Variants in TARBP1 observed in about 807,000 individuals in gnomAD.
The protein encoded by TARBP1 is tRNA guanosine 2 -O-methyltransferase TARBP1.
A neutral mutation model predicts 178.6 loss-of-function variants in TARBP1; 144 were observed. The ratio of observed to expected loss-of-function variants is 0.81; its 90% CI spans 0.70 to 0.93. The LOEUF (loss-of-function observed/expected upper bound fraction) is 0.93. Among genes scored for constraint, TARBP1 ranks in the 40% least tolerant of loss-of-function variants. The pLI is 0.00. For missense variants in TARBP1, 2,067 were observed against 2,011.7 expected (o/e 1.03, Z -0.53); for synonymous variants, 787 against 781.0 (o/e 1.01, Z -0.13).
At position 234,437,382 on chromosome 1, in the gene TARBP1, G is replaced by A. The variant is rs763930982; in HGVS notation, c.2135-10C>T. 3.5e-6 allele frequency: 5 copies of A among 1,431,530 alleles called. No homozygotes were observed. The highest frequency in any genetic ancestry group is 4.8e-6 in the Non-Finnish European group (5 of 1,049,810). 88.7% of individuals were successfully genotyped at this position (1,431,530 alleles called of 1,614,324 possible). The stretch of plus-strand genomic sequence containing the variant: ...ACAGTAGACACCTCATCTGTATGGG[G>A]GCAAAAAGCATGCAACTAAAATGAC... On this transcript the variant is annotated splice_polypyrimidine_tract_variant and intron_variant, in intron 12 of 29. Coordinates refer to ENST00000040877, the MANE Select transcript of TARBP1 (RefSeq NM_005646.4).
intron 5 of TARBP1, among the ~76,000 whole-genome samples, chr1:234,465,307 A>G (rs1668324503): frequency 1.3e-5 from 2 of 152,222 alleles, no homozygotes; most frequent in South Asian, 4.1e-4. Context: ...GTTAAAAGAA[A>G]AAGGAAAATA....
chr1:234,429,720 T>C, intron 15 of TARBP1, 43 bp from the exon 16 acceptor site: 1 of 1,487,238 alleles, frequency 6.7e-7, no homozygotes, highest in South Asian at 1.3e-5. Context: ...TTCCCCAATT[T>C]GCCTCCACGT....
chr1:234,479,165 G>C lies in TARBP1; in HGVS notation c.-62C>G, dbSNP rs1571909009. On this transcript the variant is annotated 5_prime_UTR_variant, in exon 1 of 30. Coordinates refer to ENST00000040877, the MANE Select transcript of TARBP1 (RefSeq NM_005646.4). ...AGGAAGGCGCCGGCGTGTGCGATGC[G>C]TGCGCACAGGACCGGCCGGCCCCTA... is the stretch of plus-strand genomic sequence containing the variant. 2 of 1,406,542 alleles carry C rather than the reference G, an allele frequency of 1.4e-6. No individual in the cohort carries two copies. Among genetic ancestry groups the C allele is most frequent in the Non-Finnish European group, 1.8e-6 (2 of 1,083,910 alleles). The allele number at this position is 1,406,542 out of a possible 1,614,324, so 87.1% of individuals were successfully genotyped here. A position where few individuals can be genotyped will look rare whatever the true frequency, so the allele number is the denominator to read the frequency against.
chr1:234,393,233 T>A (rs1441225720), intron 28 of TARBP1, 129 bp downstream of exon 28: 1 of 981,430 alleles, frequency 1.0e-6, no homozygotes, highest in Non-Finnish European at 1.4e-6. Flanking sequence ...AAAGGACTAA[T>A]ACACAAAGAT....
chr1:234,425,049 G>A (rs1265247344), intron 20 of TARBP1, among the ~76,000 whole-genome samples: 1 of 143,836 alleles, frequency 7.0e-6, no homozygotes, highest in Non-Finnish European at 1.5e-5. Context: ...CAACAAGAGC[G>A]AAACTCCGTC....
intron 3 of TARBP1, among the ~76,000 whole-genome samples, chr1:234,470,921 T>C (rs1032019538): frequency 2.6e-5 from 4 of 152,142 alleles, no homozygotes; most frequent in Admixed American, 6.5e-5. Context: ...TGGCCCAAAA[T>C]TGTGCTCTTA....
chr1:234,405,615 T>C (rs1374371405), intron 24 of TARBP1: 1 of 337,842 alleles, frequency 3.0e-6, no homozygotes, highest in Non-Finnish European at 5.4e-6. Context: ...AAGGATGACA[T>C]TTAGCTATAC....
intron 4 of TARBP1, among the ~76,000 whole-genome samples, chr1:234,466,671 C>T (rs1244933461): frequency 2.0e-5 from 3 of 151,866 alleles, no homozygotes; most frequent in African/African-American, 7.3e-5. Context: ...GAGACCAGCC[C>T]AGCCAAGATG....
chr1:234,457,326 A>C (rs1667382324), intron 9 of TARBP1, among the ~76,000 whole-genome samples: 1 of 152,224 alleles, frequency 6.6e-6, no homozygotes, highest in African/African-American at 2.4e-5. Context: ...CAATGACAGA[A>C]AAAAGAGAAA....
Position 234,460,333 on chromosome 1 carries a change from A to G in TARBP1, c.1463T>C (p.Leu488Ser), listed in dbSNP as rs1448606956. 19 of 1,614,118 alleles carry G rather than the reference A, an allele frequency of 1.2e-5. No individual in the cohort carries two copies. The highest frequency in any genetic ancestry group is 1.5e-5 in the Non-Finnish European group (18 of 1,180,044). Residue 488 changes from leucine to serine, a missense_variant, in exon 7 of 30, where the codon TTG becomes TCG. Transcript: ENST00000040877. The part of the protein sequence containing the change: ...TSRHWCAVPI[L>S]FLSKALANVP... ...ATTTGCCAAAGCCTTAGATAGAAAC[A>G]AAATGGGAACAGCACACCAATGCCT...
intron 5 of TARBP1, among the ~76,000 whole-genome samples, chr1:234,464,794 T>C (rs1276051640): frequency 1.3e-5 from 2 of 152,126 alleles, no homozygotes; most frequent in Non-Finnish European, 2.9e-5. Flanking sequence ...ATTAGAAAGA[T>C]AACACAATTT....
chr1:234,460,612 C>T (rs781375317), intron 6 of TARBP1, among the ~76,000 whole-genome samples: 1 of 152,074 alleles, frequency 6.6e-6, no homozygotes, highest in South Asian at 2.1e-4. Flanking sequence ...GAATGTAAAA[C>T]GGTGCAGCCG....
chr1:234,408,965 T>C (rs2103061066), intron 23 of TARBP1, among the ~76,000 whole-genome samples: 1 of 152,348 alleles, frequency 6.6e-6, no homozygotes, highest in African/African-American at 2.4e-5. Flanking sequence ...GTTTTGAATC[T>C]CTAATTGCTC....
At chr1:234,455,630 G>A (rs894123336) in intron 9 of TARBP1, among the ~76,000 whole-genome samples, 8 of 152,168 alleles carry the variant, frequency 5.3e-5, no homozygotes, top group African/African-American at 1.4e-4. Context: ...TGGGGATGGG[G>A]TGGAGTACGA....
intron 9 of TARBP1, among the ~76,000 whole-genome samples, chr1:234,453,606 T>C (rs1010839802): frequency 6.6e-5 from 10 of 152,234 alleles, no homozygotes; most frequent in African/African-American, 2.4e-4. Context: ...TTTCTATAGG[T>C]TTAAAATTAC....
intron 12 of TARBP1, among the ~76,000 whole-genome samples, chr1:234,445,227 A>G (rs943933742): frequency 3.9e-5 from 6 of 152,190 alleles, no homozygotes; most frequent in Non-Finnish European, 5.9e-5. Context: ...TTCTCTGGCT[A>G]TAAATTCCCC....
At chr1:234,460,634 AAT>A (rs1260288043) in intron 6 of TARBP1, among the ~76,000 whole-genome samples, 2 of 152,190 alleles carry the variant, frequency 1.3e-5, no homozygotes, top group Admixed American at 1.3e-4. Flanking sequence ...TGTGGAAAAA[AAT>A]ATGGCAGTTC....
At chr1:234,463,638 T>C (rs1444568429) in intron 6 of TARBP1, among the ~76,000 whole-genome samples, 199 bp downstream of exon 6, 1 of 152,184 alleles carries the variant, frequency 6.6e-6, no homozygotes, top group African/African-American at 2.4e-5. Flanking sequence ...CCAATACTGG[T>C]AGTATGTCAT....
At chr1:234,475,001 T>C (rs955861416) in intron 1 of TARBP1, among the ~76,000 whole-genome samples, 1 of 152,340 alleles carries the variant, frequency 6.6e-6, no homozygotes, top group South Asian at 2.1e-4. Flanking sequence ...GAGCAAGACA[T>C]GGTCACCCAA....
Sources: gnomAD v4.1 joint callset for allele counts (sites outside exome capture counted in the v4.1 genomes callset) on GRCh38, gnomAD v4.1.1 for gene constraint, MANE v1.5 for transcripts, NCBI Gene and HGNC (gene_info 2026-07-23, HGNC 2026-07-21) for gene names.